CEMIP: variants seen among roughly 807,000 people sequenced by gnomAD.
CEMIP encodes the protein cell migration-inducing and hyaluronan-binding protein.
A neutral mutation model predicts 156.9 loss-of-function variants in CEMIP; 105 were observed. That is an observed-to-expected ratio of 0.67 (90% CI 0.57 to 0.79). The LOEUF (loss-of-function observed/expected upper bound fraction) is 0.79, where lower values mean the gene tolerates loss of function less well. Among genes scored for constraint, CEMIP ranks in the 30% least tolerant of loss-of-function variants. The pLI is 0.00. For synonymous variants in CEMIP, 676 were observed against 668.4 expected (o/e 1.01, Z -0.17); for missense variants, 1,457 against 1,769.4 (o/e 0.82, Z 3.17).
chr15:80,788,337 G>A (rs1480787588), intron 1 of CEMIP, among the ~76,000 whole-genome samples: 1 of 151,872 alleles, frequency 6.6e-6, no homozygotes, highest in Non-Finnish European at 1.5e-5. Flanking sequence ...CAGGCATGGT[G>A]ACACATGCCT....
chr15:80,919,512 T>C (rs1217957191), intron 14 of CEMIP, among the ~76,000 whole-genome samples: 1 of 152,168 alleles, frequency 6.6e-6, no homozygotes, highest in Non-Finnish European at 1.5e-5. Context: ...TGGAAAGGAC[T>C]TTTAAAAGTC....
At position 80,932,194 on chromosome 15, in the gene CEMIP, T is replaced by A. The variant is rs1900944036; in HGVS notation, c.2793+155T>A. Among the ~76,000 whole-genome samples, 2 of 152,126 alleles carry A rather than the reference T, an allele frequency of 1.3e-5. No individual in the cohort carries two copies. The highest frequency in any genetic ancestry group is 4.8e-5 in the African/African-American group (2 of 41,430). Reference sequence around the variant, plus strand: ...GGGCCATGTCCCAGTTTGCTCTTCATCCAAACTGGAAAAGTACAAGCGTAG... The same window carrying A: ...GGGCCATGTCCCAGTTTGCTCTTCAACCAAACTGGAAAAGTACAAGCGTAG... On this transcript the variant is annotated intron_variant, in intron 22 of 29. Coordinates refer to ENST00000394685, the MANE Select transcript of CEMIP (RefSeq NM_001293298.2). The surrounding 1 kb of genome is among the most constrained non-coding windows in gnomAD (Gnocchi z 4.5).
intron 12 of CEMIP, among the ~76,000 whole-genome samples, chr15:80,902,265 G>A (rs1469549886): frequency 6.6e-6 from 1 of 152,240 alleles, no homozygotes; most frequent in African/African-American, 2.4e-5. Flanking sequence ...TAGGGCAACT[G>A]TGCAGAGCCC....
chr15:80,801,709 C>T (rs916570635), intron 1 of CEMIP, among the ~76,000 whole-genome samples: 2 of 152,174 alleles, frequency 1.3e-5, no homozygotes, highest in Non-Finnish European at 2.9e-5. Context: ...ACCACACCCA[C>T]CTTTGATAGA....
chr15:80,919,010 C>A (rs938154751), intron 14 of CEMIP, among the ~76,000 whole-genome samples: 1 of 152,194 alleles, frequency 6.6e-6, no homozygotes, highest in Admixed American at 6.5e-5. Context: ...AAGATCCCCG[C>A]GCTGCTTGGA....
intron 15 of CEMIP, 99 bp downstream of exon 15, chr15:80,920,398 C>T (rs2271161): frequency 3.3e-5 from 38 of 1,168,450 alleles, no homozygotes; most frequent in Admixed American, 6.5e-5. Context: ...TTCTGCACTT[C>T]GGGGCTCTGA....
chr15:80,825,046 C>T (rs1896998315), intron 1 of CEMIP, among the ~76,000 whole-genome samples: 1 of 152,144 alleles, frequency 6.6e-6, no homozygotes, highest in Non-Finnish European at 1.5e-5. Context: ...TTTGGGTCTG[C>T]ATGTATTCCC....
chr15:80,934,075 T>A (rs1214440869), intron 23 of CEMIP, among the ~76,000 whole-genome samples: 1 of 152,224 alleles, frequency 6.6e-6, no homozygotes, highest in East Asian at 1.9e-4. Flanking sequence ...TATAGCCCAC[T>A]CAATTTTCAA....
At chr15:80,844,607 T>C (rs1160321138) in intron 1 of CEMIP, among the ~76,000 whole-genome samples, 2 of 152,224 alleles carry the variant, frequency 1.3e-5, no homozygotes, top group Non-Finnish European at 2.9e-5. Context: ...GGGGCTCTTG[T>C]CAGCCAGTTG....
Position 80,878,848 on chromosome 15 carries a change from C to T in CEMIP, c.222C>T (p.Ser74=), listed in dbSNP as rs1477863873. 2 of 1,614,094 alleles carry T rather than the reference C, an allele frequency of 1.2e-6. No individual in the cohort carries two copies. The highest frequency in any genetic ancestry group is 1.7e-6 in the Non-Finnish European group (2 of 1,180,046). The stretch of plus-strand genomic sequence containing the variant: ...TCACCTCTTCTGCCACGGTCTATTC[C>T]ATCCACATCTCAGAGGGAGGTAAGC... ...LLLTSSATVY[S]IHISEGGKLV... Residue 74 remains serine (S), a synonymous_variant, in exon 4 of 30, where the codon TCC becomes TCT. Coordinates refer to ENST00000394685, the MANE Select transcript of CEMIP (RefSeq NM_001293298.2).
chr15:80,789,556 CT>C (rs1896027618), intron 1 of CEMIP, among the ~76,000 whole-genome samples: 1 of 151,822 alleles, frequency 6.6e-6, no homozygotes, highest in Non-Finnish European at 1.5e-5. Flanking sequence ...GAGATTTCTT[CT>C]TGCTTAAATG....
intron 12 of CEMIP, among the ~76,000 whole-genome samples, chr15:80,898,604 G>C (rs1214107774): frequency 1.3e-5 from 2 of 152,126 alleles, no homozygotes; most frequent in African/African-American, 4.8e-5. Context: ...TAGAGACAGA[G>C]CCTCACTATG....
chr15:80,897,436 T>C, intron 12 of CEMIP: 1 of 436,354 alleles, frequency 2.3e-6, no homozygotes. Context: ...GGTCATGTGG[T>C]GGAGGCAGTC....
At position 80,947,051 on chromosome 15, in the gene CEMIP, G is replaced by A. The variant is rs753839988; in HGVS notation, c.3944G>A (p.Gly1315Asp). ...RVLEKLGADR[G>D]LKLKEQMAFV... ...CTGGAAAAGCTTGGGGCAGACAGGG[G>A]TCTCAAGTTGAAAGGTAAGGGTTTG... Residue 1315 changes from glycine to aspartate, a missense_variant, in exon 29 of 30, where the codon GGT becomes GAT. Gly to Asp is a moderately conservative substitution (Grantham distance 94). Around this residue, in one of 5 missense-constraint regions of CEMIP, gnomAD observed 798 missense variants for 980.1 expected, o/e 0.81. Transcript: ENST00000394685. 2 of 1,612,866 alleles carry A rather than the reference G, an allele frequency of 1.2e-6. No homozygotes were observed. Among genetic ancestry groups the A allele is most frequent in the Admixed American group, 1.7e-5 (1 of 60,026 alleles).
chr15:80,895,548 C>T (rs1000708569), intron 11 of CEMIP, among the ~76,000 whole-genome samples: 4 of 151,968 alleles, frequency 2.6e-5, no homozygotes, highest in South Asian at 2.1e-4. Context: ...TTATGGCTAC[C>T]GAAAATAATA....
At chr15:80,947,918 CTTAG>C (rs2141763329) in intron 29 of CEMIP, 1 of 152,306 alleles carries the variant, frequency 6.6e-6, no homozygotes, top group Non-Finnish European at 1.5e-5. Context: ...AGCTGGGCTT[CTTAG>C]TTATACACCA....
At chr15:80,850,386 C>T (rs2141733995) in intron 1 of CEMIP, among the ~76,000 whole-genome samples, 1 of 152,322 alleles carries the variant, frequency 6.6e-6, no homozygotes. Context: ...GAGTGATTCT[C>T]ATGTCTCAGC....
chr15:80,809,635 G>T (rs1284730505), intron 1 of CEMIP, among the ~76,000 whole-genome samples: 1 of 152,226 alleles, frequency 6.6e-6, no homozygotes, highest in Non-Finnish European at 1.5e-5. Flanking sequence ...GGTGTCACCA[G>T]GCTGAAATCA....
intron 1 of CEMIP, among the ~76,000 whole-genome samples, chr15:80,849,337 T>G (rs895955378): frequency 6.6e-6 from 1 of 151,714 alleles, no homozygotes; most frequent in Non-Finnish European, 1.5e-5. Context: ...CGGACTCACC[T>G]ATGCAACTGC....
Sources: allele counts gnomAD v4.1 joint callset (sites outside exome capture counted in the v4.1 genomes callset), GRCh38; gene constraint gnomAD v4.1.1; regional missense constraint gnomAD v4.1.1; non-coding constraint Gnocchi (gnomAD v3.1); transcripts MANE v1.5; gene names NCBI Gene and HGNC (gene_info 2026-07-23, HGNC 2026-07-21).